DNAH17: variants seen among roughly 807,000 people sequenced by gnomAD.
DNAH17 encodes the protein axonemal beta dynein heavy chain 17.
In DNAH17, 376 loss-of-function variants were observed where a neutral mutation model predicts 485.6. That is an observed-to-expected ratio of 0.77 (90% CI 0.71 to 0.84). DNAH17 has a LOEUF of 0.84. Among genes scored for constraint, DNAH17 ranks in the 40% least tolerant of loss-of-function variants. The pLI is 0.00. For missense variants in DNAH17, 6,370 were observed against 5,839.3 expected (o/e 1.09, Z -2.96); for synonymous variants, 3,031 against 2,405.9 (o/e 1.26, Z -7.60).
At position 78,575,075 on chromosome 17, in the gene DNAH17, C is replaced by T. The variant is rs745595343; in HGVS notation, c.-18G>A. The T allele has an allele frequency of 1.3e-6, 2 of 1,595,402 alleles. No individual in the cohort carries two copies. Among genetic ancestry groups the T allele is most frequent in the South Asian group, 1.1e-5 (1 of 88,768 alleles). On this transcript the variant is annotated 5_prime_UTR_variant, in exon 2 of 81. It adds an upstream start codon to the 5' untranslated region. Coordinates refer to ENST00000389840, the MANE Select transcript of DNAH17 (RefSeq NM_173628.4). ...ATTGTCATCTTGGCCTTTCCTTACACTGTGTATCTGTTAAGAGTGCAAGAA... is the reference window on the plus strand; with the variant it reads ...ATTGTCATCTTGGCCTTTCCTTACATTGTGTATCTGTTAAGAGTGCAAGAA...
chr17:78,492,509 A>G, intron 42 of DNAH17, 124 bp downstream of exon 42: 1 of 1,367,892 alleles, frequency 7.3e-7, no homozygotes, highest in Non-Finnish European at 1.0e-6. Flanking sequence ...ATTGCAGGCC[A>G]CGTGCCTGTG....
At chr17:78,524,938 G>T in intron 25 of DNAH17, 71 bp downstream of exon 25, 5 of 1,541,904 alleles carry the variant, frequency 3.2e-6, no homozygotes, top group Non-Finnish European at 4.4e-6. Flanking sequence ...CCCAGAGCCT[G>T]CCCTCTTGTT....
At position 78,485,619 on chromosome 17, in the gene DNAH17, G is replaced by C. The variant is rs1236043950; in HGVS notation, c.7414C>G (p.Leu2472Val). Residue 2472 changes from leucine to valine, a missense_variant, in exon 47 of 81, where the codon CTG becomes GTG. Physicochemically the swap from Leu to Val is conservative, Grantham distance 32 (BLOSUM62 1). Coordinates refer to ENST00000389840, the MANE Select transcript of DNAH17 (RefSeq NM_173628.4). ...TGCACCAGGTAGTTGTCCGTGTTCA[G>C]GCTTTCCAGCTTGTCCCCCATCAGC... The part of the protein sequence containing the change: ...SVLMGDKLES[L>V]NTDNYLVQAV... 6.2e-7 allele frequency: 1 copy of C among 1,613,946 alleles called. No individual in the cohort carries two copies. Among genetic ancestry groups the C allele is most frequent in the East Asian group, 2.2e-5 (1 of 44,888 alleles).
intron 79 of DNAH17, among the ~76,000 whole-genome samples, chr17:78,426,119 G>A (rs1390475009): frequency 6.6e-6 from 1 of 152,206 alleles, no homozygotes; most frequent in Non-Finnish European, 1.5e-5. Context: ...GAAGAAAATG[G>A]CTTCCTGTTT....
intron 44 of DNAH17, 145 bp downstream of exon 44, chr17:78,490,554 T>C: frequency 8.2e-7 from 1 of 1,214,626 alleles, no homozygotes; most frequent in South Asian, 1.5e-5. Context: ...TCTCACCCCT[T>C]CACTGCTGTG....
intron 29 of DNAH17, 30 bp from the exon 30 acceptor site, chr17:78,506,876 C>T (rs200127771): frequency 7.4e-6 from 12 of 1,613,248 alleles, no homozygotes; most frequent in African/African-American, 2.7e-5. Context: ...TAGAGGAGGC[C>T]GGTGACCCTA....
intron 14 of DNAH17, among the ~76,000 whole-genome samples, chr17:78,557,467 AATT>A (rs1298445138): frequency 6.6e-6 from 1 of 151,468 alleles, no homozygotes; most frequent in Non-Finnish European, 1.5e-5. Context: ...AAAATACAAA[AATT>A]ATTTGTATTT....
At chr17:78,438,475 T>C (rs539421179) in intron 73 of DNAH17, among the ~76,000 whole-genome samples, 1 of 43,902 alleles carries the variant, frequency 2.3e-5, no homozygotes, top group Non-Finnish European at 4.4e-5. Flanking sequence ...GGAGATGCTT[T>C]TGTCAACCCA....
At chr17:78,427,256 TG>T (rs1183640034) in intron 77 of DNAH17, 148 bp from the exon 78 acceptor site, 1 of 730,230 alleles carries the variant, frequency 1.4e-6, no homozygotes, top group African/African-American at 1.8e-5. Flanking sequence ...TGCAGGGTCA[TG>T]GGTGCAGCCA....
rs139623005 is a variant in DNAH17 at position 78,480,209 on chromosome 17, T to C, written c.7752+475A>G. ...ACTAAAAATACAAAAATTAGCCAGG[T>C]GTGGTGGCGCACACCTGTAGCCTCA... On this transcript the variant is annotated intron_variant, in intron 49 of 80. Coordinates refer to ENST00000389840, the MANE Select transcript of DNAH17 (RefSeq NM_173628.4). Among the ~76,000 whole-genome samples the C allele has an allele frequency of 2.4e-3, 370 of 151,324 alleles. 1 individual carries two copies. Among genetic ancestry groups the C allele is most frequent in the African/African-American group, 7.9e-3 (324 of 41,246 alleles).
intron 51 of DNAH17, among the ~76,000 whole-genome samples, chr17:78,478,031 A>T (rs1568117510): frequency 7.2e-6 from 1 of 138,168 alleles, no homozygotes; most frequent in African/African-American, 3.0e-5. Context: ...CACCACCACC[A>T]TCACACCACC....
Position 78,423,978 on chromosome 17 carries a change from G to A in DNAH17, c.13317C>T (p.Thr4439=). ...CCTTCTCTTTGGTCTTCAAGTTAAA[G>A]GTCCAGACATAGGTGGGGCCGCGGA... ...TRIRGPTYVW[T]FNLKTKEKAA... The change falls in exon 81 of 81, where the codon ACC becomes ACT. Residue 4439 remains threonine, a synonymous_variant. Transcript: ENST00000389840. The A allele has an allele frequency of 2.0e-5, 32 of 1,614,036 alleles. No individual in the cohort carries two copies. Among genetic ancestry groups the A allele is most frequent in the Non-Finnish European group, 2.7e-5 (32 of 1,179,904 alleles).
chr17:78,500,208 A>G, intron 36 of DNAH17, 97 bp downstream of exon 36: 5 of 1,337,606 alleles, frequency 3.7e-6, no homozygotes, highest in Non-Finnish European at 5.0e-6. Flanking sequence ...GTATCCAGAG[A>G]TCTGGAGTTT....
intron 38 of DNAH17, 91 bp downstream of exon 38, chr17:78,495,784 G>A (rs1284890092): frequency 2.7e-6 from 4 of 1,466,872 alleles, no homozygotes; most frequent in Admixed American, 2.2e-5. Flanking sequence ...CTTGCCCTCT[G>A]CCCCTCCCCT....
At chr17:78,466,974 G>A (rs1170906847) in intron 55 of DNAH17, among the ~76,000 whole-genome samples, 158 bp from the exon 56 acceptor site, 2 of 152,230 alleles carry the variant, frequency 1.3e-5, no homozygotes, top group Non-Finnish European at 2.9e-5. Flanking sequence ...TTTGAAGGGC[G>A]GCCGCTGCAT....
At position 78,529,504 on chromosome 17, in the gene DNAH17, C is replaced by G; in HGVS notation, c.3475G>C (p.Glu1159Gln). Residue 1159 changes from glutamate to glutamine, a missense_variant, in exon 22 of 81, where the codon GAG (glutamate) becomes CAG (glutamine). Physicochemically the swap from Glu to Gln is conservative, Grantham distance 29 (BLOSUM62 2). Transcript: ENST00000389840. The stretch of plus-strand genomic sequence containing the variant: ...TTCAAGTGGATCTCCTCTGGCATCT[C>G]CTCCCCGTAGGTCTTGAGCAGCTCG... ...TIELLKTYGE[E>Q]MPEEIHLKLQ... 6.2e-7 allele frequency: 1 copy of G among 1,613,978 alleles called. No homozygotes were observed. Among genetic ancestry groups the G allele is most frequent in the Non-Finnish European group, 8.5e-7 (1 of 1,179,886 alleles).
chr17:78,463,993 C>G (rs1209100569), intron 56 of DNAH17, among the ~76,000 whole-genome samples: 1 of 152,152 alleles, frequency 6.6e-6, no homozygotes, highest in Non-Finnish European at 1.5e-5. Flanking sequence ...CTGGGAGTGG[C>G]CAGTCTCATA....
chr17:78,551,874 A>G (rs951970503), intron 15 of DNAH17, among the ~76,000 whole-genome samples: 11 of 152,004 alleles, frequency 7.2e-5, no homozygotes, highest in African/African-American at 2.7e-4. Flanking sequence ...GAGGCAGTAG[A>G]ATAGCTTGAA....
At position 78,425,471 on chromosome 17, in the gene DNAH17, A is replaced by C; in HGVS notation, c.13016T>G (p.Met4339Arg). 1.2e-6 allele frequency: 2 copies of C among 1,613,896 alleles called. No individual in the cohort carries two copies. The highest frequency in any genetic ancestry group is 2.2e-5 in the East Asian group (1 of 44,884). The change falls in exon 80 of 81, where the codon ATG becomes AGG. Residue 4339 changes from methionine (M) to arginine (R), a missense_variant. By Grantham distance (91) the Met-to-Arg change is moderately conservative (BLOSUM62 -1). Transcript: ENST00000389840. ...QSFLTAIMQS[M>R]ARKNEWPLDK... ...CAGGGGCCACTCGTTCTTCCTGGCC[A>C]TGGACTGCATGATGGCCGTGAGGAA...
Sources: gnomAD v4.1 joint callset for allele counts (sites outside exome capture counted in the v4.1 genomes callset) on GRCh38, gnomAD v4.1.1 for gene constraint, MANE v1.5 for transcripts, NCBI Gene and HGNC (gene_info 2026-07-23, HGNC 2026-07-21) for gene names.